NAALADL2: variants seen among roughly 807,000 people sequenced by gnomAD.
NAALADL2 encodes the protein N-acetylated alpha-linked acidic dipeptidase like 2.
In NAALADL2, 76 loss-of-function variants were observed where a neutral mutation model predicts 87.2. The observed-to-expected ratio is 0.87, with a 90% CI of 0.72 to 1.05. The LOEUF (loss-of-function observed/expected upper bound fraction) is 1.05. Among genes scored for constraint, NAALADL2 ranks in the 50% least tolerant of loss-of-function variants. The pLI, the probability that NAALADL2 is intolerant of heterozygous loss-of-function variation, is 0.00. For synonymous variants in NAALADL2, 354 were observed against 331.0 expected, an observed-to-expected ratio of 1.07 and a Z score of -0.75; for missense variants, 1,089 against 945.8, an observed-to-expected ratio of 1.15 and a Z score of -1.99.
intron 3 of NAALADL2, among the ~76,000 whole-genome samples, chr3:174,758,573 C>T (rs1186797522): frequency 1.3e-5 from 2 of 152,162 alleles, no homozygotes; most frequent in Non-Finnish European, 2.9e-5. Flanking sequence ...GAAAGGGAAG[C>T]CTCAGGCTTA....
chr3:175,290,701 C>T (rs1192382736), intron 4 of NAALADL2, among the ~76,000 whole-genome samples: 3 of 152,146 alleles, frequency 2.0e-5, no homozygotes, highest in African/African-American at 7.2e-5. Flanking sequence ...ATAACTTCCA[C>T]ATGCTTAGTG....
At chr3:175,204,860 A>G (rs1419193244) in intron 2 of NAALADL2, among the ~76,000 whole-genome samples, 1 of 151,996 alleles carries the variant, frequency 6.6e-6, no homozygotes, top group Non-Finnish European at 1.5e-5. Context: ...GCAAAAAATA[A>G]TAATAATAAA....
intron 9 of NAALADL2, among the ~76,000 whole-genome samples, chr3:175,555,289 A>G (rs1176028777): frequency 2.0e-5 from 3 of 152,196 alleles, no homozygotes; most frequent in Non-Finnish European, 4.4e-5. Context: ...AATTATCAGA[A>G]AAGAATCTTC....
chr3:175,680,666 T>C (rs1030985582), intron 11 of NAALADL2, among the ~76,000 whole-genome samples: 2 of 152,226 alleles, frequency 1.3e-5, no homozygotes, highest in African/African-American at 4.8e-5. Context: ...TAAAAAGGGC[T>C]GCATTTCTGA....
intron 1 of NAALADL2, among the ~76,000 whole-genome samples, chr3:175,053,065 G>A (rs1407603334): frequency 2.6e-5 from 4 of 152,118 alleles, no homozygotes; most frequent in African/African-American, 7.2e-5. Flanking sequence ...AAATAAGTAC[G>A]TTCATTTTTT....
At chr3:174,870,891 T>A (rs1453568802) in intron 1 of NAALADL2, among the ~76,000 whole-genome samples, 1 of 152,170 alleles carries the variant, frequency 6.6e-6, no homozygotes, top group African/African-American at 2.4e-5. Flanking sequence ...TTTACAAAAA[T>A]TCATATAACT....
intron 1 of NAALADL2, among the ~76,000 whole-genome samples, chr3:175,046,348 T>C (rs1211194620): frequency 6.6e-6 from 1 of 152,144 alleles, no homozygotes; most frequent in Non-Finnish European, 1.5e-5. Flanking sequence ...CTATCAGGGA[T>C]TTATTACCTT....
At chr3:175,687,162 A>G (rs1051489416) in intron 11 of NAALADL2, among the ~76,000 whole-genome samples, 2 of 152,192 alleles carry the variant, frequency 1.3e-5, no homozygotes, top group Admixed American at 6.6e-5. Flanking sequence ...TTTAAACTCA[A>G]TAACAAATTA....
chr3:174,608,537 C>G (rs1249589178), intron 2 of NAALADL2, among the ~76,000 whole-genome samples: 2 of 151,484 alleles, frequency 1.3e-5, no homozygotes, highest in Non-Finnish European at 3.0e-5. Context: ...ACAAACACCT[C>G]TACGCAAATA....
chr3:175,778,764 C>G (rs969363546), intron 13 of NAALADL2, among the ~76,000 whole-genome samples: 2 of 152,038 alleles, frequency 1.3e-5, no homozygotes, highest in Non-Finnish European at 2.9e-5. Context: ...TTAATGTGCT[C>G]TAGATCATGG....
chr3:175,108,480 A>T (rs972120640), intron 2 of NAALADL2, among the ~76,000 whole-genome samples: 58 of 152,048 alleles, frequency 3.8e-4, no homozygotes, highest in Middle Eastern at 3.4e-3. Context: ...GAAACTGATC[A>T]TTTTTCTTTG....
At chr3:175,037,249 G>C (rs937086444) in intron 1 of NAALADL2, among the ~76,000 whole-genome samples, 9 of 152,114 alleles carry the variant, frequency 5.9e-5, no homozygotes, top group African/African-American at 2.2e-4. Context: ...ATATGACTAA[G>C]TCACATGAGT....
chr3:175,804,684 T>G lies in NAALADL2; in HGVS notation c.*1481T>G, dbSNP rs186870477. The G allele has an allele frequency of 6.6e-6, 1 of 151,834 alleles. No individual in the cohort carries two copies. Among genetic ancestry groups the G allele is most frequent in the East Asian group, 1.9e-4 (1 of 5,156 alleles). 9.4% of individuals were successfully genotyped at this position (151,834 alleles called of 1,614,324 possible). On this transcript the variant is annotated 3_prime_UTR_variant, in exon 14 of 14. Transcript: ENST00000454872. The stretch of plus-strand genomic sequence containing the variant: ...GTCTGTGTATGTTTAAATTTTCACT[T>G]TTTATGGATGAGCATAAACCTAGTC...
At chr3:175,734,602 A>G (rs550464764) in intron 11 of NAALADL2, among the ~76,000 whole-genome samples, 2 of 152,300 alleles carry the variant, frequency 1.3e-5, no homozygotes, top group South Asian at 2.1e-4. Flanking sequence ...CCAAACCACA[A>G]TTCTTGGCTT....
chr3:175,409,693 A>G (rs980386878), intron 5 of NAALADL2, among the ~76,000 whole-genome samples: 1 of 151,528 alleles, frequency 6.6e-6, no homozygotes, highest in African/African-American at 2.4e-5. Flanking sequence ...GTAGTTCAAC[A>G]TTTTTCAGTT....
chr3:175,592,789 A>G (rs1171536438), intron 10 of NAALADL2, among the ~76,000 whole-genome samples: 1 of 151,634 alleles, frequency 6.6e-6, no homozygotes, highest in Non-Finnish European at 1.5e-5. Context: ...ACCTAATGCT[A>G]GATGACGAGT....
At chr3:174,951,298 C>T (rs963210014) in intron 1 of NAALADL2, among the ~76,000 whole-genome samples, 8 of 151,424 alleles carry the variant, frequency 5.3e-5, no homozygotes, top group African/African-American at 1.7e-4. Context: ...AAGAATAAAT[C>T]GTTAGCTTTT....
At chr3:175,442,564 C>T (rs377646489) in intron 5 of NAALADL2, among the ~76,000 whole-genome samples, 3 of 152,182 alleles carry the variant, frequency 2.0e-5, no homozygotes, top group African/African-American at 7.2e-5. Context: ...ACAATAGTAT[C>T]GTAGTGAAAT....
intron 3 of NAALADL2, among the ~76,000 whole-genome samples, chr3:175,240,902 C>T (rs2109597617): frequency 6.6e-6 from 1 of 152,254 alleles, no homozygotes; most frequent in African/African-American, 2.4e-5. Context: ...CTCAGGTGAT[C>T]CACCTGCCTT....
Sources: allele counts gnomAD v4.1 joint callset (sites outside exome capture counted in the v4.1 genomes callset), GRCh38; gene constraint gnomAD v4.1.1; transcripts MANE v1.5; gene names NCBI Gene and HGNC (gene_info 2026-07-23, HGNC 2026-07-21).